Variants in SPTBN5 observed in about 807,000 individuals in gnomAD.
SPTBN5 encodes the protein spectrin beta chain, non-erythrocytic 5.
SPTBN5 carries 513 observed loss-of-function variants against 477.6 expected under a neutral mutation model. The observed-to-expected ratio is 1.07, with a 90% CI of 1.00 to 1.16. The LOEUF (loss-of-function observed/expected upper bound fraction) is 1.16, where lower values mean the gene tolerates loss of function less well. Among genes scored for constraint, SPTBN5 ranks in the 50% most tolerant of loss-of-function variants. The pLI is 0.00. For synonymous variants in SPTBN5, 2,169 were observed against 2,011.7 expected, an observed-to-expected ratio of 1.08 and a Z score of -2.09; for missense variants, 5,062 against 4,731.8, an observed-to-expected ratio of 1.07 and a Z score of -2.05.
At chr15:41,868,005 A>G (rs2066390608) in intron 34 of SPTBN5, 64 bp downstream of exon 34, 1 of 1,525,286 alleles carries the variant, frequency 6.6e-7, no homozygotes, top group African/African-American at 1.4e-5. Flanking sequence ...GGGACTGAGC[A>G]GAGAGGAGAA....
intron 39 of SPTBN5, among the ~76,000 whole-genome samples, chr15:41,865,051 C>G (rs1417528449): frequency 6.6e-6 from 1 of 152,230 alleles, no homozygotes; most frequent in African/African-American, 2.4e-5. Flanking sequence ...TGAAATTCCA[C>G]CATTAACAAG....
Position 41,892,981 on chromosome 15 carries a change from C to T in SPTBN5, c.297G>A (p.Gly99=). The T allele has an allele frequency of 6.2e-7, 1 of 1,609,940 alleles. No homozygotes were observed. Among genetic ancestry groups the T allele is most frequent in the Non-Finnish European group, 8.5e-7 (1 of 1,179,776 alleles). Residue 99 remains glycine, a synonymous_variant, in exon 3 of 68, where the codon GGG becomes GGA. Transcript: ENST00000320955. Reference sequence around the variant, plus strand: ...CCCGGCTCGGGGGTGGCAGGGCCTCCCCTGAGATGAGCTCCAGCAGCCGCA... The same window carrying T: ...CCCGGCTCGGGGGTGGCAGGGCCTCTCCTGAGATGAGCTCCAGCAGCCGCA... The part of the protein sequence containing the change: ...HLLRLLELIS[G]EALPPPSRGR...
At chr15:41,856,640 T>A in intron 52 of SPTBN5, 42 bp from the exon 53 acceptor site, 1 of 1,508,900 alleles carries the variant, frequency 6.6e-7, no homozygotes, top group Non-Finnish European at 8.9e-7. Flanking sequence ...TTGCTGACCC[T>A]TGGGGGACTC....
chr15:41,861,567 A>G (rs1339461232), intron 45 of SPTBN5, 71 bp from the exon 46 acceptor site: 5 of 1,564,448 alleles, frequency 3.2e-6, no homozygotes, highest in African/African-American at 1.4e-5. Context: ...TGACTGTTCC[A>G]GTGGCACAGG....
intron 41 of SPTBN5, among the ~76,000 whole-genome samples, chr15:41,863,352 C>T (rs971302940): frequency 1.3e-5 from 2 of 152,226 alleles, no homozygotes; most frequent in African/African-American, 2.4e-5. Flanking sequence ...GTTATGTACA[C>T]AGTCCCAGGG....
intron 47 of SPTBN5, among the ~76,000 whole-genome samples, chr15:41,859,731 G>C (rs1393793053): frequency 6.6e-6 from 1 of 152,170 alleles, no homozygotes; most frequent in Non-Finnish European, 1.5e-5. Flanking sequence ...GGGGTAGGGG[G>C]TGGTGACAAA....
At position 41,871,847 on chromosome 15, in the gene SPTBN5, G is replaced by T; in HGVS notation, c.5236C>A (p.Leu1746Met). The T allele has an allele frequency of 6.3e-7, 1 of 1,588,058 alleles. No homozygotes were observed. The highest frequency in any genetic ancestry group is 2.3e-5 in the East Asian group (1 of 43,276). Residue 1746 changes from leucine to methionine, a missense_variant, in exon 28 of 68, where the codon CTG becomes ATG. Physicochemically the swap from Leu to Met is conservative, Grantham distance 15. Transcript: ENST00000320955. ...LREAEDLQGW[L>M]ASQKQAAKGG... ...TTGGCTGCCTGCTTCTGGCTTGCCA[G>T]CCAGCCCTGCAGGTCCTCAGCCTCC...
intron 46 of SPTBN5, 54 bp downstream of exon 46, chr15:41,861,365 C>A (rs1327400910): frequency 4.6e-6 from 7 of 1,508,460 alleles, no homozygotes; most frequent in South Asian, 4.5e-5. Flanking sequence ...TGGTTTGACC[C>A]CTAATGCTGC....
Position 41,866,499 on chromosome 15 carries a change from G to A in SPTBN5, c.6481-6C>T, listed in dbSNP as rs1417635768. 3 of 1,554,128 alleles carry A rather than the reference G, an allele frequency of 1.9e-6. No homozygotes were observed. Among genetic ancestry groups the A allele is most frequent in the East Asian group, 2.3e-5 (1 of 44,046 alleles). On this transcript the variant is annotated splice_region_variant and splice_polypyrimidine_tract_variant and intron_variant, in intron 36 of 67. Transcript: ENST00000320955. Reference sequence around the variant, plus strand: ...GCCTGGATCCAGTCCTCAGCCTGGTGGGGGTGGGACATGAATGCTGCAATG... The same window carrying A: ...GCCTGGATCCAGTCCTCAGCCTGGTAGGGGTGGGACATGAATGCTGCAATG...
chr15:41,867,147 T>G, intron 35 of SPTBN5, 21 bp from the exon 36 acceptor site: 1 of 1,514,964 alleles, frequency 6.6e-7, no homozygotes, highest in Non-Finnish European at 8.8e-7. Flanking sequence ...GGGGCACAGC[T>G]GCTGCTCTCC....
At chr15:41,867,736 G>A in intron 34 of SPTBN5, 94 bp from the exon 35 acceptor site, 5 of 1,220,608 alleles carry the variant, frequency 4.1e-6, no homozygotes, top group Non-Finnish European at 4.8e-6. Context: ...GGGTATGGCA[G>A]GGCCTTAGGA....
At position 41,856,520 on chromosome 15, in the gene SPTBN5, C is replaced by T. The variant is rs201068655; in HGVS notation, c.8887G>A (p.Gly2963Arg). The T allele has an allele frequency of 1.3e-4, 205 of 1,600,830 alleles. 1 individual carries two copies. In the African/African-American group the frequency reaches 2.4e-3, roughly 18 times the overall value. ...LGTGYKLVQA[G>R]HFAAHEVAAR... ...GCCACCTCGTGGGCGGCAAAGTGCC[C>T]AGCCTGCACCAGCTTGTACCCAGTG... Residue 2963 changes from glycine (G) to arginine (R), a missense_variant, in exon 53 of 68, where the codon GGG becomes AGG. Transcript: ENST00000320955.
chr15:41,857,578 A>G lies in SPTBN5; in HGVS notation c.8359T>C (p.Cys2787Arg). 1 of 1,609,768 alleles carries G rather than the reference A, an allele frequency of 6.2e-7. No individual in the cohort carries two copies. Among genetic ancestry groups the G allele is most frequent in the East Asian group, 2.2e-5 (1 of 44,772 alleles). The change falls in exon 50 of 68, where the codon TGT becomes CGT. Residue 2787 changes from cysteine to arginine, a missense_variant. Physicochemically the swap from Cys to Arg is radical, Grantham distance 180 (BLOSUM62 -3). Coordinates refer to ENST00000320955, the MANE Select transcript of SPTBN5 (RefSeq NM_016642.4). ...QKKVAKLQKA[C>R]EALRLRRSME... ...CTCGGCCTGCACAACCTCACCTCAC[A>G]GGCCTTCTGGAGCTTGGCCACCTTC...
chr15:41,876,998 C>A (rs745447093), intron 18 of SPTBN5, 50 bp from the exon 19 acceptor site: 2 of 1,571,646 alleles, frequency 1.3e-6, no homozygotes, highest in African/African-American at 1.4e-5. Flanking sequence ...GGGGTCAGGA[C>A]CATCTCACCC....
intron 66 of SPTBN5, 90 bp downstream of exon 66, chr15:41,850,764 C>T (rs2065725398): frequency 8.8e-7 from 1 of 1,136,246 alleles, no homozygotes; most frequent in South Asian, 1.6e-5. Flanking sequence ...AACTGTGAAA[C>T]CTCCCTAGGA....
chr15:41,870,702 G>A (rs2066507812), intron 29 of SPTBN5, 142 bp from the exon 30 acceptor site: 5 of 666,440 alleles, frequency 7.5e-6, no homozygotes, highest in East Asian at 2.8e-5. Context: ...AACCTCTCCC[G>A]CCTGTGGCCC....
At position 41,874,335 on chromosome 15, in the gene SPTBN5, G is replaced by T; in HGVS notation, c.4646C>A (p.Thr1549Asn). Residue 1549 changes from threonine to asparagine, a missense_variant, in exon 24 of 68, where the codon ACC becomes AAC. Thr to Asn is a moderately conservative substitution (Grantham distance 65, BLOSUM62 0). Coordinates refer to ENST00000320955, the MANE Select transcript of SPTBN5 (RefSeq NM_016642.4). Reference sequence around the variant, plus strand: ...GCTCTGGGCACCATTCAAGCACTCGGTATAGCTGGTGGGGCTGCCATGGGG... The same window carrying T: ...GCTCTGGGCACCATTCAAGCACTCGTTATAGCTGGTGGGGCTGCCATGGGG... Reference protein sequence around the residue: ...HMPHGSPTSYTECLNGAQSLH... With the variant: ...HMPHGSPTSYNECLNGAQSLH... The T allele has an allele frequency of 6.2e-7, 1 of 1,613,854 alleles. No homozygotes were observed. The highest frequency in any genetic ancestry group is 8.5e-7 in the Non-Finnish European group (1 of 1,179,868).
rs1595491175 is a variant in SPTBN5, at chr15:41,876,555, T to G, written c.3944A>C (p.Gln1315Pro). Residue 1315 changes from glutamine (Q) to proline (P), a missense_variant, in exon 20 of 68, where the codon CAG becomes CCG. Gln to Pro is a moderately conservative substitution (Grantham distance 76). Coordinates refer to ENST00000320955, the MANE Select transcript of SPTBN5 (RefSeq NM_016642.4). ...QRRRQLLASL[Q>P]LQEWKQDVAE... Reference sequence around the variant, plus strand: ...CTGGGCCCAGACCCTCACCTGGAGCTGGAGGGAAGCCAGCAACTGCCTCCT... The same window carrying G: ...CTGGGCCCAGACCCTCACCTGGAGCGGGAGGGAAGCCAGCAACTGCCTCCT... 1 of 1,594,544 alleles carries G rather than the reference T, an allele frequency of 6.3e-7. No individual in the cohort carries two copies. Among genetic ancestry groups the G allele is most frequent in the Non-Finnish European group, 8.5e-7 (1 of 1,171,640 alleles).
Position 41,848,377 on chromosome 15 carries a change from A to G in SPTBN5, c.*239T>C, listed in dbSNP as rs2065624602. The G allele has an allele frequency of 1.7e-6, 1 of 599,620 alleles. No individual in the cohort carries two copies. Among genetic ancestry groups the G allele is most frequent in the Non-Finnish European group, 3.0e-6 (1 of 332,156 alleles). The allele number at this position is 599,620 out of a possible 1,614,324, so 37.1% of individuals were successfully genotyped here. A position where few individuals can be genotyped will look rare whatever the true frequency, so the allele number is the denominator to read the frequency against. Reference sequence around the variant, plus strand: ...GGCCTTGCCCACCTGCTCTGCCGTAACACGTCTCCTCTTCACCCAGACAGG... The same window carrying G: ...GGCCTTGCCCACCTGCTCTGCCGTAGCACGTCTCCTCTTCACCCAGACAGG... On this transcript the variant is annotated 3_prime_UTR_variant, in exon 68 of 68. Transcript: ENST00000320955.
Sources: gnomAD v4.1 joint callset for allele counts (sites outside exome capture counted in the v4.1 genomes callset) on GRCh38, gnomAD v4.1.1 for gene constraint, MANE v1.5 for transcripts, NCBI Gene and HGNC (gene_info 2026-07-23, HGNC 2026-07-21) for gene names.